ROBO2: variants seen among roughly 807,000 people sequenced by gnomAD.
The protein encoded by ROBO2 is roundabout homolog 2.
A neutral mutation model predicts 160.8 loss-of-function variants in ROBO2; 53 were observed. That is an observed-to-expected ratio of 0.33 (90% confidence interval 0.26 to 0.41). The LOEUF is 0.41. Among genes scored for constraint, ROBO2 ranks in the 10% least tolerant of loss-of-function variants. The pLI is 1.00. For synonymous variants in ROBO2, 664 were observed against 611.7 expected (o/e 1.09, Z -1.26); for missense variants, 1,577 against 1,722.4 (o/e 0.92, Z 1.49).
intron 2 of ROBO2, among the ~76,000 whole-genome samples, chr3:77,154,096 C>G (rs7620687): frequency 0.5 from 76,626 of 151,744 alleles, 19,586 homozygotes; most frequent in Middle Eastern, 0.65. Context: ...TAATAGACTG[C>G]TAACAGAATT....
chr3:76,962,311 G>A (rs2079725414), intron 2 of ROBO2, among the ~76,000 whole-genome samples: 1 of 151,712 alleles, frequency 6.6e-6, no homozygotes, highest in Non-Finnish European at 1.5e-5. Flanking sequence ...TCCAGCCTTG[G>A]CAACAGAGCG....
chr3:77,461,849 T>C (rs1025388256), intron 2 of ROBO2, among the ~76,000 whole-genome samples: 1 of 151,900 alleles, frequency 6.6e-6, no homozygotes, highest in African/African-American at 2.4e-5. Context: ...TGCCGCAGCC[T>C]CCCATATCTG....
At chr3:77,394,195 C>G (rs940239544) in intron 2 of ROBO2, among the ~76,000 whole-genome samples, 3 of 152,108 alleles carry the variant, frequency 2.0e-5, no homozygotes, top group African/African-American at 7.2e-5. Context: ...AAAAAGCAAT[C>G]GTGCTTTTCC....
At chr3:75,962,639 T>C (rs1055995743) in intron 2 of ROBO2, among the ~76,000 whole-genome samples, 3 of 151,934 alleles carry the variant, frequency 2.0e-5, no homozygotes, top group African/African-American at 7.2e-5. Context: ...TGTATATCTG[T>C]TATTTCAAGT....
chr3:77,156,125 A>G (rs144120548), intron 2 of ROBO2, among the ~76,000 whole-genome samples: 1 of 151,908 alleles, frequency 6.6e-6, no homozygotes, highest in Non-Finnish European at 1.5e-5. Context: ...CTTCATCTCA[A>G]CATCATCCAA....
At chr3:76,739,675 G>A (rs1332153439) in intron 2 of ROBO2, among the ~76,000 whole-genome samples, 2 of 152,094 alleles carry the variant, frequency 1.3e-5, no homozygotes, top group African/African-American at 4.8e-5. Context: ...GCTGAGGTGG[G>A]TAGCAAGGGC....
At chr3:76,014,185 G>T (rs1373741887) in intron 2 of ROBO2, among the ~76,000 whole-genome samples, 1 of 137,518 alleles carries the variant, frequency 7.3e-6, no homozygotes, top group African/African-American at 3.3e-5. Flanking sequence ...GGGCACGGTG[G>T]TCTATGCGTG....
intron 1 of ROBO2, among the ~76,000 whole-genome samples, chr3:77,094,980 G>T (rs2070848204): frequency 6.6e-6 from 1 of 152,002 alleles, no homozygotes; most frequent in Admixed American, 6.6e-5. Flanking sequence ...TTCTGATTCT[G>T]TGGGTAGTAT....
chr3:76,335,703 G>A (rs1292790543), intron 2 of ROBO2, among the ~76,000 whole-genome samples: 2 of 151,060 alleles, frequency 1.3e-5, no homozygotes, highest in Non-Finnish European at 3.0e-5. Flanking sequence ...TCAGCCTCCC[G>A]AGCAGCTGGG....
intron 2 of ROBO2, among the ~76,000 whole-genome samples, chr3:76,927,909 C>A (rs562415231): frequency 6.6e-6 from 1 of 151,974 alleles, no homozygotes; most frequent in African/African-American, 2.4e-5. Context: ...AAAGTTTGTT[C>A]CCTTTGAAGT....
intron 2 of ROBO2, among the ~76,000 whole-genome samples, chr3:76,293,531 A>AG (rs1478497046): frequency 5.9e-5 from 9 of 152,210 alleles, no homozygotes; most frequent in Non-Finnish European, 1.0e-4. Flanking sequence ...TCCAAAAAAA[A>AG]GTAATAAAAA....
At chr3:76,488,685 G>GAT (rs1312791926) in intron 2 of ROBO2, among the ~76,000 whole-genome samples, 1 of 151,966 alleles carries the variant, frequency 6.6e-6, no homozygotes, top group African/African-American at 2.4e-5. Context: ...TCCCTGGAGT[G>GAT]ATATCCCACC....
chr3:76,745,715 C>T (rs2093874640), intron 2 of ROBO2, among the ~76,000 whole-genome samples: 1 of 151,830 alleles, frequency 6.6e-6, no homozygotes, highest in African/African-American at 2.4e-5. Context: ...CTTTGAATCT[C>T]CTCTGCATTT....
chr3:77,220,074 G>A (rs958454799), intron 2 of ROBO2, among the ~76,000 whole-genome samples: 13 of 151,856 alleles, frequency 8.6e-5, no homozygotes, highest in Admixed American at 5.2e-4. Context: ...GCAGTGGTGC[G>A]ATCTCAGCTC....
intron 2 of ROBO2, among the ~76,000 whole-genome samples, chr3:76,216,577 T>C (rs1234213298): frequency 1.3e-5 from 2 of 152,154 alleles, no homozygotes; most frequent in East Asian, 3.9e-4. Flanking sequence ...CATTACGTAA[T>C]GGTAAAGGGA....
intron 24 of ROBO2, among the ~76,000 whole-genome samples, chr3:77,642,170 C>A (rs1473826406): frequency 6.6e-6 from 1 of 152,196 alleles, no homozygotes; most frequent in African/African-American, 2.4e-5. Flanking sequence ...GTGCCACATA[C>A]ATGGGTAAAG....
intron 2 of ROBO2, chr3:76,435,558 A>G: frequency 3.4e-6 from 2 of 580,318 alleles, no homozygotes; most frequent in South Asian, 2.2e-5. Context: ...AAGCACAGCT[A>G]CCTGCCTTCA....
intron 2 of ROBO2, among the ~76,000 whole-genome samples, chr3:76,953,172 C>A (rs1332878640): frequency 1.3e-5 from 2 of 152,176 alleles, no homozygotes; most frequent in Non-Finnish European, 2.9e-5. Context: ...ACTTTGCTAA[C>A]CTCAGCTATC....
intron 2 of ROBO2, among the ~76,000 whole-genome samples, chr3:76,006,196 A>G (rs1298636362): frequency 6.6e-6 from 1 of 152,078 alleles, no homozygotes; most frequent in Non-Finnish European, 1.5e-5. Context: ...AATATTATAC[A>G]TTTCATTTTC....
Sources: gnomAD v4.1 joint callset for allele counts (sites outside exome capture counted in the v4.1 genomes callset) on GRCh38, gnomAD v4.1.1 for gene constraint, MANE v1.5 for transcripts, NCBI Gene and HGNC (gene_info 2026-07-23, HGNC 2026-07-21) for gene names.